The following SFMBT1 variants were observed in gnomAD, a reference collection of about 807,000 sequenced individuals.
SFMBT1 encodes the protein Scm like with four mbt domains 1.
In SFMBT1, 32 loss-of-function variants were observed where a neutral mutation model predicts 108.7. The ratio of observed to expected loss-of-function variants is 0.29; its 90% confidence interval spans 0.22 to 0.40. The LOEUF (loss-of-function observed/expected upper bound fraction) is 0.40, where lower values mean the gene tolerates loss of function less well. Among genes scored for constraint, SFMBT1 ranks in the 10% least tolerant of loss-of-function variants. The pLI, the probability that SFMBT1 is intolerant of heterozygous loss-of-function variation, is 1.00. For synonymous variants in SFMBT1, 348 were observed against 369.5 expected (o/e 0.94, Z 0.67); for missense variants, 816 against 1,059.6 (o/e 0.77, Z 3.19).
In SFMBT1 at chr3:53,004,698, T is replaced by C. The variant is rs1698679159; in HGVS notation, c.-130-35440A>G. On this transcript the variant is annotated intron_variant, in intron 1 of 20. Transcript: ENST00000394752. ...AAATTTTGAGACACAACTTCTTGTG[T>C]ACAAAGAGAAATGCAGGGTTCTCCA... Among the ~76,000 whole-genome samples the C allele has an allele frequency of 2.0e-5, 3 of 150,244 alleles. 1 individual carries two copies. Among genetic ancestry groups the C allele is most frequent in the Non-Finnish European group, 3.0e-5 (2 of 67,092 alleles).
At chr3:52,985,782 TG>T (rs1285585984) in intron 1 of SFMBT1, among the ~76,000 whole-genome samples, 1 of 152,074 alleles carries the variant, frequency 6.6e-6, no homozygotes, top group African/African-American at 2.4e-5. Flanking sequence ...TGTAACACAA[TG>T]GTAAGTATTT....
intron 16 of SFMBT1, 108 bp downstream of exon 16, chr3:52,912,430 G>C (rs568486157): frequency 1.5e-5 from 12 of 815,396 alleles, no homozygotes; most frequent in Non-Finnish European, 2.4e-5. Context: ...CGCCCGCCTC[G>C]GCCTCCCAAA....
chr3:52,963,284 C>T (rs1319874157), intron 2 of SFMBT1, among the ~76,000 whole-genome samples: 2 of 151,916 alleles, frequency 1.3e-5, no homozygotes, highest in Non-Finnish European at 2.9e-5. Flanking sequence ...CATGACCCAC[C>T]GCCCGGCCAA....
At chr3:53,038,976 T>TCACA (rs1429580774) in intron 1 of SFMBT1, among the ~76,000 whole-genome samples, 1 of 152,174 alleles carries the variant, frequency 6.6e-6, no homozygotes, top group African/African-American at 2.4e-5. Flanking sequence ...ATGTCAGTGA[T>TCACA]CACACAGTAA....
intron 1 of SFMBT1, among the ~76,000 whole-genome samples, chr3:53,011,955 C>T (rs1230649430): frequency 6.6e-6 from 1 of 151,864 alleles, no homozygotes; most frequent in African/African-American, 2.4e-5. Context: ...GAAAATCTCA[C>T]GGAGAAATGA....
intron 13 of SFMBT1, among the ~76,000 whole-genome samples, chr3:52,916,678 A>AAACAAC (rs892386307): frequency 2.0e-5 from 3 of 151,456 alleles, no homozygotes; most frequent in Admixed American, 2.0e-4. Context: ...CAAAAAAACC[A>AAACAAC]AACAACAACA....
At chr3:53,014,998 C>T (rs9857222) in intron 1 of SFMBT1, among the ~76,000 whole-genome samples, 12 of 152,244 alleles carry the variant, frequency 7.9e-5, no homozygotes, top group South Asian at 2.1e-4. Context: ...CACAGCAGAT[C>T]GCTTGAGCCC....
intron 1 of SFMBT1, among the ~76,000 whole-genome samples, chr3:52,970,633 T>C (rs1704308311): frequency 6.6e-6 from 1 of 152,188 alleles, no homozygotes; most frequent in Non-Finnish European, 1.5e-5. Flanking sequence ...AGCATTGGGA[T>C]GGGTACTTAA....
intron 1 of SFMBT1, among the ~76,000 whole-genome samples, chr3:53,019,906 T>C (rs990872905): frequency 6.6e-6 from 1 of 152,188 alleles, no homozygotes; most frequent in African/African-American, 2.4e-5. Flanking sequence ...TGTCCCCACT[T>C]ACCACTTCGG....
chr3:52,937,756 T>C (rs1472541850), intron 4 of SFMBT1, among the ~76,000 whole-genome samples: 2 of 152,114 alleles, frequency 1.3e-5, no homozygotes, highest in Non-Finnish European at 2.9e-5. Flanking sequence ...CTAATTTTTG[T>C]ATTTTTCGTA....
chr3:52,947,350 C>T (rs1703405662), intron 3 of SFMBT1, among the ~76,000 whole-genome samples: 1 of 152,036 alleles, frequency 6.6e-6, no homozygotes, highest in Non-Finnish European at 1.5e-5. Context: ...ATCTCCTGAC[C>T]TTGTGATCCG....
intron 1 of SFMBT1, among the ~76,000 whole-genome samples, chr3:53,021,772 C>T (rs1442975812): frequency 6.6e-6 from 1 of 152,132 alleles, no homozygotes; most frequent in East Asian, 1.9e-4. Flanking sequence ...AGCTCAAAAA[C>T]AGCAACCGCA....
intron 1 of SFMBT1, among the ~76,000 whole-genome samples, chr3:53,017,578 A>C (rs1379622079): frequency 6.6e-6 from 1 of 152,232 alleles, no homozygotes; most frequent in African/African-American, 2.4e-5. Context: ...TTCCTCCAAC[A>C]GAAGAGTGAC....
intron 9 of SFMBT1, 57 bp downstream of exon 9, chr3:52,928,134 T>C: frequency 2.5e-6 from 4 of 1,577,604 alleles, no homozygotes; most frequent in Non-Finnish European, 3.4e-6. Context: ...CCATCTGACA[T>C]GTCTCATTTC....
intron 2 of SFMBT1, among the ~76,000 whole-genome samples, chr3:52,960,113 T>A (rs1471736236): frequency 5.9e-5 from 9 of 151,758 alleles, no homozygotes; most frequent in Non-Finnish European, 1.3e-4. Flanking sequence ...AATGCTAGCG[T>A]TGACACAGAT....
At chr3:53,045,685 C>A in intron 1 of SFMBT1, 131 bp downstream of exon 1, 1 of 141,210 alleles carries the variant, frequency 7.1e-6, no homozygotes, top group Non-Finnish European at 1.5e-5. Context: ...CGCCGGCGCC[C>A]GGCGGTTTCC....
intron 1 of SFMBT1, among the ~76,000 whole-genome samples, chr3:52,970,394 T>C (rs1704296245): frequency 1.3e-5 from 2 of 152,234 alleles, no homozygotes; most frequent in African/African-American, 4.8e-5. Context: ...TCATATAACC[T>C]TGGTTTTCTT....
At chr3:52,940,264 C>A (rs1559519013) in intron 4 of SFMBT1, among the ~76,000 whole-genome samples, 1 of 152,228 alleles carries the variant, frequency 6.6e-6, no homozygotes, top group African/African-American at 2.4e-5. Context: ...ACACTCAGAT[C>A]TTCGTTTCCA....
chr3:52,958,039 G>T (rs966080113), intron 2 of SFMBT1, among the ~76,000 whole-genome samples: 1 of 152,124 alleles, frequency 6.6e-6, no homozygotes, highest in East Asian at 1.9e-4. Flanking sequence ...AAGAATGGGA[G>T]AACATTTCTG....
Sources: allele counts gnomAD v4.1 joint callset (sites outside exome capture counted in the v4.1 genomes callset), GRCh38; gene constraint gnomAD v4.1.1; transcripts MANE v1.5; gene names NCBI Gene and HGNC (gene_info 2026-07-23, HGNC 2026-07-21).